Variants in AIM2 observed in about 807,000 individuals in gnomAD.
AIM2 encodes the protein absent in melanoma 2.
In AIM2, 30 loss-of-function variants were observed where a neutral mutation model predicts 27.7. That is an observed-to-expected ratio of 1.08 (90% confidence interval 0.81 to 1.47). The LOEUF is 1.47. Among genes scored for constraint, AIM2 ranks in the 40% most tolerant of loss-of-function variants. AIM2 has a pLI of 0.00. For missense variants in AIM2, 358 were observed against 411.3 expected, an observed-to-expected ratio of 0.87 and a Z score of 1.12; for synonymous variants, 141 against 145.3, an observed-to-expected ratio of 0.97 and a Z score of 0.21.
intron 1 of AIM2, among the ~76,000 whole-genome samples, chr1:159,086,661 T>C (rs1302344172): frequency 6.6e-6 from 1 of 152,148 alleles, no homozygotes; most frequent in African/African-American, 2.4e-5. Flanking sequence ...ATCACAGCAA[T>C]AAAGTGGAAA....
upstream of AIM2, among the ~76,000 whole-genome samples, chr1:159,143,581 T>TACACACACACACACAC (rs6143439): frequency 2.1e-5 from 3 of 144,054 alleles, no homozygotes; most frequent in Non-Finnish European, 4.6e-5. Flanking sequence ...GCTCAGTGTG[T>TACACACACACACACAC]ACACACACAC....
intron 1 of AIM2, among the ~76,000 whole-genome samples, chr1:159,092,764 C>T (rs1297641751): frequency 6.6e-6 from 1 of 152,156 alleles, no homozygotes; most frequent in Non-Finnish European, 1.5e-5. Context: ...TGGCTCACGC[C>T]TGTAATCCTA....
intron 1 of AIM2, among the ~76,000 whole-genome samples, chr1:159,130,135 C>A (rs1383462471): frequency 1.3e-5 from 2 of 152,202 alleles, no homozygotes; most frequent in Non-Finnish European, 2.9e-5. Context: ...CTGGCCCCAG[C>A]CCTCCTAGTT....
chr1:159,124,031 C>T (rs1647612221), intron 1 of AIM2, among the ~76,000 whole-genome samples: 1 of 152,168 alleles, frequency 6.6e-6, no homozygotes, highest in Non-Finnish European at 1.5e-5. Context: ...ATTCTCATTC[C>T]GTATCTGTCT....
chr1:159,061,117 T>C (rs1655820360), downstream of AIM2, among the ~76,000 whole-genome samples: 1 of 152,228 alleles, frequency 6.6e-6, no homozygotes, highest in Non-Finnish European at 1.5e-5. Context: ...CCATTTGACA[T>C]TCCCACCAGC....
downstream of AIM2, among the ~76,000 whole-genome samples, chr1:159,060,993 T>G (rs1332145714): frequency 2.6e-5 from 4 of 152,224 alleles, no homozygotes; most frequent in African/African-American, 9.6e-5. Flanking sequence ...GACTTTTCAT[T>G]CCCACCAGCA....
intron 1 of AIM2, among the ~76,000 whole-genome samples, chr1:159,097,449 T>G (rs1249162989): frequency 6.6e-6 from 1 of 152,118 alleles, no homozygotes; most frequent in Admixed American, 6.5e-5. Flanking sequence ...TTTAGGAAAC[T>G]TTCACCAAAT....
chr1:159,057,391 T>A, the AIM2 span, among the ~76,000 whole-genome samples: 3 of 152,208 alleles, frequency 2.0e-5, no homozygotes, highest in Non-Finnish European at 4.4e-5. Context: ...AGATGTCTTG[T>A]GACACACCTA....
At chr1:159,067,478 G>GTGGAGCTTGGGC (rs1557892237) in intron 3 of AIM2, among the ~76,000 whole-genome samples, 1 of 152,130 alleles carries the variant, frequency 6.6e-6, no homozygotes, top group Non-Finnish European at 1.5e-5. Context: ...GGAGCTTGGG[G>GTGGAGCTTGGGC]CAGTGGAGCT....
chr1:159,140,300 A>T (rs937081237), intron 1 of AIM2: 1 of 152,234 alleles, frequency 6.6e-6, no homozygotes, highest in Non-Finnish European at 1.5e-5. Flanking sequence ...AAGAATTTTA[A>T]GTCTTTAAAG....
chr1:159,063,809 C>T, intron 4 of AIM2, 135 bp from the exon 5 acceptor site: 1 of 937,992 alleles, frequency 1.1e-6, no homozygotes, highest in Non-Finnish European at 1.6e-6. Context: ...TTTACCTGTG[C>T]AGGTCCATTT....
intron 1 of AIM2, among the ~76,000 whole-genome samples, chr1:159,074,452 T>A (rs1656508287): frequency 7.3e-6 from 1 of 137,094 alleles, no homozygotes; most frequent in Admixed American, 7.1e-5. Context: ...TTTTAATGAT[T>A]TTTTTTTTTA....
intron 1 of AIM2, among the ~76,000 whole-genome samples, chr1:159,107,204 G>A (rs576198994): frequency 6.6e-6 from 1 of 152,258 alleles, no homozygotes; most frequent in Admixed American, 6.5e-5. Flanking sequence ...TGTCTCTTTA[G>A]AGCTTGCAGT....
chr1:159,069,254 C>G (rs779129311), intron 2 of AIM2, among the ~76,000 whole-genome samples: 2 of 152,026 alleles, frequency 1.3e-5, no homozygotes, highest in Non-Finnish European at 2.9e-5. Context: ...TCAATATCTA[C>G]TTACCTTAAC....
chr1:159,063,099 G>A (rs576932856), intron 5 of AIM2, among the ~76,000 whole-genome samples: 1 of 152,288 alleles, frequency 6.6e-6, no homozygotes, highest in East Asian at 1.9e-4. Context: ...GACTATGGTA[G>A]GTGCAGACGT....
intron 1 of AIM2, among the ~76,000 whole-genome samples, chr1:159,106,776 G>T (rs1030410972): frequency 6.6e-6 from 1 of 152,226 alleles, no homozygotes; most frequent in African/African-American, 2.4e-5. Context: ...AAGTGTGAAG[G>T]CTCTCTGCCA....
At chr1:159,062,938 T>G (rs1655899250) in intron 5 of AIM2, among the ~76,000 whole-genome samples, 1 of 152,190 alleles carries the variant, frequency 6.6e-6, no homozygotes, top group South Asian at 2.1e-4. Flanking sequence ...ATACGCATAT[T>G]TCTCAAATCT....
At chr1:159,134,491 T>C (rs967871708) in intron 1 of AIM2, among the ~76,000 whole-genome samples, 2 of 152,262 alleles carry the variant, frequency 1.3e-5, no homozygotes, top group Non-Finnish European at 2.9e-5. Flanking sequence ...TTTCACTTCA[T>C]GCGGCCTTCT....
At chr1:159,106,340 A>T (rs1657446998) in intron 1 of AIM2, among the ~76,000 whole-genome samples, 1 of 152,224 alleles carries the variant, frequency 6.6e-6, no homozygotes, top group South Asian at 2.1e-4. Flanking sequence ...CAGCATCTTC[A>T]CAGTGGCTGC....
Sources: allele counts gnomAD v4.1 joint callset (sites outside exome capture counted in the v4.1 genomes callset), GRCh38; gene constraint gnomAD v4.1.1; transcripts MANE v1.5; gene names NCBI Gene and HGNC (gene_info 2026-07-23, HGNC 2026-07-21).